The following CEP152 variants were observed in gnomAD, a reference collection of about 807,000 sequenced individuals.
The protein encoded by CEP152 is centrosomal protein of 152 kDa.
Under a neutral mutation model 188.9 loss-of-function variants are expected in CEP152, and 132 were observed. The observed-to-expected ratio is 0.70, with a 90% CI of 0.61 to 0.81. CEP152 has a LOEUF of 0.81. Ranked by LOEUF, CEP152 falls within the 30% of genes least tolerant of loss-of-function variation. The pLI is 0.00. For missense variants in CEP152, 1,914 were observed against 1,969.8 expected (o/e 0.97, Z 0.54); for synonymous variants, 649 against 666.6 (o/e 0.97, Z 0.41).
In CEP152 at chr15:48,732,453, A is replaced by G. The variant is rs367659601; in HGVS notation, c.142+9178T>C. 4.6e-4 allele frequency among the ~76,000 whole-genome samples: 70 copies of G among 152,240 alleles called. 1 individual carries two copies. In the South Asian group the frequency reaches 0.013, roughly 29 times the overall value. On this transcript the variant is annotated intron_variant and NMD_transcript_variant, in intron 2 of 3. Transcript: ENST00000561245. ...ACAGGAACAGGAAACAAAACACTGC[A>G]TGTTCTCACTCATAAGTGAGTGAGA...
intron 1 of CEP152, among the ~76,000 whole-genome samples, chr15:48,806,073 G>T (rs1897966204): frequency 6.6e-6 from 1 of 151,902 alleles, no homozygotes; most frequent in Non-Finnish European, 1.5e-5. Context: ...TTTAATATCA[G>T]AAATCCAAAT....
chr15:48,789,988 C>T (rs902995853), intron 8 of CEP152, among the ~76,000 whole-genome samples: 1 of 152,172 alleles, frequency 6.6e-6, no homozygotes, highest in African/African-American at 2.4e-5. Flanking sequence ...CTGCTGCTTA[C>T]ATAAAAAAGA....
At position 48,793,402 on chromosome 15, in the gene CEP152, GTC is replaced by G. The variant is rs1897109421; in HGVS notation, c.749_750del (p.Arg250ThrfsTer7). 2 of 1,613,832 alleles carry G rather than the reference GTC, an allele frequency of 1.2e-6. No individual in the cohort carries two copies. The highest frequency in any genetic ancestry group is 1.7e-6 in the Non-Finnish European group (2 of 1,179,860). On this transcript the variant is annotated frameshift_variant, in exon 7 of 27. Coordinates refer to ENST00000380950, the MANE Select transcript of CEP152 (RefSeq NM_001194998.2). LOFTEE classifies it high-confidence loss of function. ...AACTTTTCAATTAAGTTCTCCAGTT[GTC>G]TCTCTTTTGCTTTGTTAAGAACCTG... is the stretch of plus-strand genomic sequence containing the variant. ...QLQVLNKAKE[R>X]QLENLIEKLN...
intron 7 of CEP152, 26 bp downstream of exon 7, chr15:48,793,295 A>G (rs374962887): frequency 1.9e-6 from 3 of 1,613,052 alleles, no homozygotes; most frequent in Non-Finnish European, 2.5e-6. Flanking sequence ...AGTGTACCTC[A>G]TAAATGACAG....
At chr15:48,799,747 C>T (rs187853082) in intron 2 of CEP152, among the ~76,000 whole-genome samples, 17 of 152,124 alleles carry the variant, frequency 1.1e-4, no homozygotes, top group African/African-American at 4.1e-4. Flanking sequence ...CATATTTGTA[C>T]AAGACATGCC....
At chr15:48,750,878 G>C (rs919244711) in intron 21 of CEP152, among the ~76,000 whole-genome samples, 3 of 152,130 alleles carry the variant, frequency 2.0e-5, no homozygotes, top group African/African-American at 7.2e-5. Context: ...AGCTCAGACT[G>C]GGGAGAGGTT....
rs573234153 is a variant in CEP152, at chr15:48,782,525, T to C, written c.1322-295A>G. Among the ~76,000 whole-genome samples the C allele has an allele frequency of 1.6e-4, 24 of 152,272 alleles. 1 individual carries two copies. In the South Asian group the frequency reaches 4.6e-3, roughly 29 times the overall value. The stretch of plus-strand genomic sequence containing the variant: ...ACAGACCTTAACATTCCGGAAGTCC[T>C]TTAATAGGAGCGTAACACTCCAACT... On this transcript the variant is annotated intron_variant, in intron 10 of 26. Transcript: ENST00000380950.
At chr15:48,792,089 T>C (rs891244215) in intron 7 of CEP152, among the ~76,000 whole-genome samples, 1 of 152,070 alleles carries the variant, frequency 6.6e-6, no homozygotes, top group Non-Finnish European at 1.5e-5. Flanking sequence ...GCCTCCCAGG[T>C]TCACGCCATT....
chr15:48,749,849 G>A (rs1271273715), intron 21 of CEP152, among the ~76,000 whole-genome samples: 4 of 151,900 alleles, frequency 2.6e-5, no homozygotes, highest in Non-Finnish European at 5.9e-5. Context: ...AAAAAAAAAT[G>A]CTATAAGACA....
chr15:48,770,530 C>G (rs1895455085), intron 13 of CEP152, among the ~76,000 whole-genome samples: 1 of 152,104 alleles, frequency 6.6e-6, no homozygotes, highest in Non-Finnish European at 1.5e-5. Context: ...AAGAAAGCAC[C>G]AAGATATCTG....
intron 1 of CEP152, among the ~76,000 whole-genome samples, chr15:48,807,805 C>T (rs995930666): frequency 5.9e-5 from 9 of 152,088 alleles, no homozygotes; most frequent in African/African-American, 2.2e-4. Context: ...TGAAAAAGAA[C>T]ATTAAGATTT....
At chr15:48,745,596 G>T (rs991575931) in intron 22 of CEP152, among the ~76,000 whole-genome samples, 4 of 151,996 alleles carry the variant, frequency 2.6e-5, no homozygotes, top group Non-Finnish European at 5.9e-5. Context: ...GGAGTTAAGA[G>T]CAATGTTTTG....
At chr15:48,753,774 A>T (rs1894062808) in intron 20 of CEP152, among the ~76,000 whole-genome samples, 2 of 152,102 alleles carry the variant, frequency 1.3e-5, no homozygotes, top group Admixed American at 1.3e-4. Flanking sequence ...GTTCCATTTG[A>T]TATTTGTTTT....
chr15:48,739,811 A>G lies in CEP152; in HGVS notation c.4094-523T>C, dbSNP rs74012134. Among the ~76,000 whole-genome samples, 822 of 152,356 alleles carry G rather than the reference A, an allele frequency of 5.4e-3. 8 individuals are homozygous for G. Among genetic ancestry groups the G allele is most frequent in the African/African-American group, 0.019 (790 of 41,572 alleles). On this transcript the variant is annotated intron_variant, in intron 26 of 26. Transcript: ENST00000380950. ...TGAAATTAGAGGCATTGTATCTCAG[A>G]GTAGCAAGCCCTAGAGTCCATGAAA...
rs747406034 is a variant in CEP152 at position 48,781,157 on chromosome 15, T to C, written c.1577+39A>G. On this transcript the variant is annotated intron_variant, in intron 12 of 26. Coordinates refer to ENST00000380950, the MANE Select transcript of CEP152 (RefSeq NM_001194998.2). ...CCATGCATCATCAGCATTACTAATG[T>C]TGGTTCTTCTACAGTAAACTAAAAT... 21 of 1,565,504 alleles carry C rather than the reference T, an allele frequency of 1.3e-5. No homozygotes were observed. In the Admixed American group the frequency reaches 3.5e-4, roughly 26 times the overall value.
intron 12 of CEP152, among the ~76,000 whole-genome samples, chr15:48,776,046 A>C (rs1895876088): frequency 6.6e-6 from 1 of 151,988 alleles, no homozygotes; most frequent in South Asian, 2.1e-4. Flanking sequence ...AGGGAAAAAA[A>C]AAACAGAAAA....
chr15:48,764,671 C>G (rs576946998), intron 17 of CEP152, among the ~76,000 whole-genome samples: 1 of 152,074 alleles, frequency 6.6e-6, no homozygotes, highest in African/African-American at 2.4e-5. Context: ...GATTTTTTCC[C>G]CCTTTCTCTC....
intron 1 of CEP152, among the ~76,000 whole-genome samples, chr15:48,808,048 A>G (rs1251706866): frequency 2.0e-5 from 3 of 152,134 alleles, no homozygotes; most frequent in Non-Finnish European, 4.4e-5. Context: ...TATCAGAACT[A>G]TAAACTATAA....
chr15:48,748,744 T>C lies in CEP152; in HGVS notation c.3467-134A>G, dbSNP rs972146111. On this transcript the variant is annotated intron_variant, in intron 21 of 26. Transcript: ENST00000380950. The stretch of plus-strand genomic sequence containing the variant: ...CTACAGCACGACTGAAAGAGTGTGA[T>C]GCTTAAGATAGAGAGACATGGGTTT... The C allele has an allele frequency of 3.1e-6, 3 of 974,524 alleles. No homozygotes were observed. In the Admixed American group the frequency reaches 1.1e-4, roughly 36 times the overall value. The allele number at this position is 974,524 out of a possible 1,614,324, so 60.4% of individuals were successfully genotyped here. A position where few individuals can be genotyped will look rare whatever the true frequency, so the allele number is the denominator to read the frequency against.
Sources: allele counts gnomAD v4.1 joint callset (sites outside exome capture counted in the v4.1 genomes callset), GRCh38; gene constraint gnomAD v4.1.1; transcripts MANE v1.5; gene names NCBI Gene and HGNC (gene_info 2026-07-23, HGNC 2026-07-21).